The following FFAR4 variants were observed in gnomAD, a reference collection of about 807,000 sequenced individuals.
The protein encoded by FFAR4 is free fatty acid receptor 4.
A neutral mutation model predicts 27.0 loss-of-function variants in FFAR4; 19 were observed. That is an observed-to-expected ratio of 0.70 (90% CI 0.49 to 1.03). The LOEUF is 1.03. Among genes scored for constraint, FFAR4 ranks in the 50% least tolerant of loss-of-function variants. The probability of loss-of-function intolerance (pLI) is 0.00; values close to 1 mark genes in which losing one functional copy is unlikely to be tolerated. For missense variants in FFAR4, 476 were observed against 479.0 expected (o/e 0.99, Z 0.06); for synonymous variants, 254 against 215.6 (o/e 1.18, Z -1.56).
chr10:93,570,317 T>G (rs1450421060), intron 1 of FFAR4, among the ~76,000 whole-genome samples: 4 of 150,446 alleles, frequency 2.7e-5, no homozygotes, highest in Non-Finnish European at 4.4e-5. Flanking sequence ...GTTCAGCAGT[T>G]GAAGAAATAA....
At chr10:93,571,981 G>C (rs915658602) in intron 1 of FFAR4, among the ~76,000 whole-genome samples, 1 of 152,290 alleles carries the variant, frequency 6.6e-6, no homozygotes, top group African/African-American at 2.4e-5. Flanking sequence ...CAGGCAGTGT[G>C]GGGAGGGTCA....
intron 2 of FFAR4, among the ~76,000 whole-genome samples, chr10:93,584,660 C>T (rs1171237665): frequency 2.0e-5 from 3 of 152,088 alleles, no homozygotes; most frequent in Admixed American, 1.3e-4. Context: ...CAAGCAGCCA[C>T]ATTGAATCAT....
chr10:93,577,235 C>T (rs77999136), intron 2 of FFAR4, among the ~76,000 whole-genome samples: 9,460 of 152,260 alleles, frequency 0.062, 496 homozygotes, highest in African/African-American at 0.14. Flanking sequence ...CTTGAATCCT[C>T]GTGGAGGTTT....
chr10:93,585,390 C>G (rs1490812573), intron 2 of FFAR4, among the ~76,000 whole-genome samples: 1 of 152,232 alleles, frequency 6.6e-6, no homozygotes, highest in African/African-American at 2.4e-5. Context: ...GTAAAATGGT[C>G]ATTTTCCACA....
chr10:93,584,504 G>A (rs7097390), intron 2 of FFAR4, among the ~76,000 whole-genome samples: 1,663 of 152,230 alleles, frequency 0.011, 26 homozygotes, highest in African/African-American at 0.037. Context: ...TAAATGTGAC[G>A]ACTGAGAAGT....
intron 2 of FFAR4, among the ~76,000 whole-genome samples, chr10:93,577,921 G>C (rs1012236721): frequency 2.6e-5 from 4 of 152,124 alleles, no homozygotes; most frequent in African/African-American, 9.7e-5. Context: ...TGGGGGAAGG[G>C]AGGTGGGCTA....
At chr10:93,580,866 A>G (rs1057141292) in intron 2 of FFAR4, among the ~76,000 whole-genome samples, 4 of 152,152 alleles carry the variant, frequency 2.6e-5, no homozygotes, top group African/African-American at 9.7e-5. Context: ...TGACTCAAAC[A>G]TGCCATACAT....
intron 2 of FFAR4, among the ~76,000 whole-genome samples, chr10:93,580,610 C>T (rs1247536388): frequency 6.6e-6 from 1 of 152,206 alleles, no homozygotes. Flanking sequence ...GGTATCATTG[C>T]TAAACGTGAC....
intron 2 of FFAR4, among the ~76,000 whole-genome samples, chr10:93,584,757 A>G (rs1214579565): frequency 6.6e-6 from 1 of 151,972 alleles, no homozygotes; most frequent in Non-Finnish European, 1.5e-5. Flanking sequence ...CCCAGGCTAG[A>G]GTGCAGTGGC....
Position 93,589,544 on chromosome 10 carries a change from C to G in FFAR4, c.*1935C>G, listed in dbSNP as rs1197864201. 6.8e-6 allele frequency: 1 copy of G among 146,398 alleles called. No homozygotes were observed. Among genetic ancestry groups the G allele is most frequent in the Non-Finnish European group, 1.5e-5 (1 of 67,394 alleles). The allele number at this position is 146,398 out of a possible 1,614,324, so 9.1% of individuals were successfully genotyped here. On this transcript the variant is annotated 3_prime_UTR_variant, in exon 3 of 3. Transcript: ENST00000371481. ...CAAGGGGAATACTCTGATTTTTTAG[C>G]CTGTCATTGGTTGGATGGTGAAGCA...
Position 93,587,259 on chromosome 10 carries a change from G to A in FFAR4, c.736G>A (p.Ala246Thr), listed in dbSNP as rs1381409875. 6.2e-7 allele frequency: 1 copy of A among 1,614,062 alleles called. No homozygotes were observed. The highest frequency in any genetic ancestry group is 1.1e-5 in the South Asian group (1 of 91,076). ...AAGGAAGAGGCTCACGGTAAGCCTG[G>A]CCTACTCGGAGAGCCACCAGATCCG... Reference protein sequence around the residue: ...ASRKRLTVSLAYSESHQIRVS... With the variant: ...ASRKRLTVSLTYSESHQIRVS... The change falls in exon 3 of 3, where the codon GCC (alanine) becomes ACC (threonine). Residue 246 changes from alanine (A) to threonine (T), a missense_variant. By Grantham distance (58) the Ala-to-Thr change is moderately conservative. Coordinates refer to ENST00000371481, the MANE Select transcript of FFAR4 (RefSeq NM_001195755.2).
intron 2 of FFAR4, among the ~76,000 whole-genome samples, chr10:93,586,016 T>G (rs1001852553): frequency 2.6e-5 from 4 of 152,224 alleles, no homozygotes; most frequent in African/African-American, 9.6e-5. Context: ...CAGTGCTCCC[T>G]TCTGCCTGGC....
intron 2 of FFAR4, among the ~76,000 whole-genome samples, chr10:93,583,018 C>T (rs548874673): frequency 1.3e-5 from 2 of 152,142 alleles, no homozygotes; most frequent in East Asian, 1.9e-4. Context: ...CACCTGGATC[C>T]TCCCTCCACA....
intron 2 of FFAR4, among the ~76,000 whole-genome samples, chr10:93,581,824 C>T (rs1245498934): frequency 6.6e-6 from 1 of 152,136 alleles, no homozygotes; most frequent in African/African-American, 2.4e-5. Context: ...GGCCGTGGAC[C>T]ACATTCCCCA....
At chr10:93,569,934 C>T (rs2058122419) in intron 1 of FFAR4, among the ~76,000 whole-genome samples, 1 of 151,918 alleles carries the variant, frequency 6.6e-6, no homozygotes, top group East Asian at 1.9e-4. Flanking sequence ...TGGCATGCAC[C>T]TGTAGTCCCA....
intron 1 of FFAR4, among the ~76,000 whole-genome samples, chr10:93,569,356 G>C (rs2058118964): frequency 6.6e-6 from 1 of 152,110 alleles, no homozygotes; most frequent in Non-Finnish European, 1.5e-5. Context: ...TCACTTCCCA[G>C]CCAGAGCCCA....
intron 2 of FFAR4, among the ~76,000 whole-genome samples, chr10:93,582,485 G>A (rs577453211): frequency 6.6e-6 from 1 of 150,484 alleles, no homozygotes; most frequent in African/African-American, 2.5e-5. Flanking sequence ...TGGAGGTTGC[G>A]GTGAGCCGAG....
intron 2 of FFAR4, among the ~76,000 whole-genome samples, chr10:93,584,195 G>A (rs1459071902): frequency 6.6e-6 from 1 of 152,170 alleles, no homozygotes; most frequent in Non-Finnish European, 1.5e-5. Context: ...AGACTTGGAT[G>A]TGCCAATATG....
At chr10:93,575,287 A>T (rs11187516) in intron 1 of FFAR4, among the ~76,000 whole-genome samples, 5,750 of 152,336 alleles carry the variant, frequency 0.038, 356 homozygotes, top group African/African-American at 0.13. Context: ...ATATACAGAC[A>T]CACAGATATA....
Sources: allele counts gnomAD v4.1 joint callset (sites outside exome capture counted in the v4.1 genomes callset), GRCh38; gene constraint gnomAD v4.1.1; transcripts MANE v1.5; gene names NCBI Gene and HGNC (gene_info 2026-07-23, HGNC 2026-07-21).